The following PPM1A variants were observed in gnomAD, a reference collection of about 807,000 sequenced individuals.
PPM1A encodes protein phosphatase, Mg2+/Mn2+ dependent 1A.
A neutral mutation model predicts 35.0 loss-of-function variants in PPM1A; 7 were observed. The observed-to-expected ratio is 0.20, with a 90% CI of 0.11 to 0.38. The LOEUF is 0.38. Among genes scored for constraint, PPM1A ranks in the 10% least tolerant of loss-of-function variants. The pLI is 1.00. For synonymous variants in PPM1A, 153 were observed against 167.3 expected (o/e 0.91, Z 0.66); for missense variants, 239 against 467.8 (o/e 0.51, Z 4.51).
intron 3 of PPM1A, chr14:60,287,555 CTT>C: frequency 1.0e-6 from 1 of 985,200 alleles, no homozygotes; most frequent in Non-Finnish European, 1.2e-6. Context: ...ATGCCTTTTT[CTT>C]TTCTCTCTCT....
At chr14:60,269,093 C>T (rs1161464943) in intron 1 of PPM1A, among the ~76,000 whole-genome samples, 1 of 152,016 alleles carries the variant, frequency 6.6e-6, no homozygotes, top group Non-Finnish European at 1.5e-5. Context: ...AAATTTTGGA[C>T]CACATCTTTT....
chr14:60,269,849 G>T (rs750499028), intron 1 of PPM1A, among the ~76,000 whole-genome samples: 2 of 152,052 alleles, frequency 1.3e-5, no homozygotes, highest in Non-Finnish European at 2.9e-5. Context: ...GTGCCCAGCC[G>T]ATGGCATGTT....
At chr14:60,248,978 T>A (rs1180519523), upstream of PPM1A, among the ~76,000 whole-genome samples, 1 of 152,094 alleles carries the variant, frequency 6.6e-6, no homozygotes, top group Non-Finnish European at 1.5e-5. Context: ...CTCCAGGCCG[T>A]AAGGCAAAGG....
At chr14:60,261,363 A>C (rs983347472) in intron 1 of PPM1A, among the ~76,000 whole-genome samples, 1 of 152,194 alleles carries the variant, frequency 6.6e-6, no homozygotes, top group Non-Finnish European at 1.5e-5. Flanking sequence ...TATAAAACAT[A>C]GGTAAAATAT....
intron 1 of PPM1A, among the ~76,000 whole-genome samples, chr14:60,257,115 TAC>T (rs1195144163): frequency 2.0e-5 from 3 of 152,240 alleles, no homozygotes; most frequent in African/African-American, 4.8e-5. Context: ...CCACAAGCCA[TAC>T]ACACTTTTTT....
intron 1 of PPM1A, among the ~76,000 whole-genome samples, chr14:60,252,115 A>T (rs1371859389): frequency 6.6e-6 from 1 of 152,156 alleles, no homozygotes; most frequent in Non-Finnish European, 1.5e-5. Context: ...GTTTGTTCAG[A>T]TTACATCTAG....
At chr14:60,269,097 A>G (rs1459504135) in intron 1 of PPM1A, among the ~76,000 whole-genome samples, 1 of 152,128 alleles carries the variant, frequency 6.6e-6, no homozygotes, top group African/African-American at 2.4e-5. Context: ...TTTGGACCAC[A>G]TCTTTTACCA....
chr14:60,260,109 A>T (rs1016955951), intron 1 of PPM1A, among the ~76,000 whole-genome samples: 27 of 152,188 alleles, frequency 1.8e-4, no homozygotes, highest in African/African-American at 5.3e-4. Flanking sequence ...ATTATTTTTT[A>T]AAAATTTTGG....
chr14:60,281,154 C>T (rs950463110), intron 1 of PPM1A, among the ~76,000 whole-genome samples: 23 of 152,126 alleles, frequency 1.5e-4, no homozygotes, highest in African/African-American at 5.1e-4. Context: ...GTCATTATTA[C>T]GTTATCCTTT....
intron 1 of PPM1A, among the ~76,000 whole-genome samples, chr14:60,269,269 A>T (rs754767698): frequency 6.6e-6 from 1 of 152,080 alleles, no homozygotes; most frequent in Non-Finnish European, 1.5e-5. Flanking sequence ...CTTGGTTTTG[A>T]TTAGTCTCTT....
chr14:60,249,027 G>A (rs1359581238), upstream of PPM1A, among the ~76,000 whole-genome samples: 1 of 152,134 alleles, frequency 6.6e-6, no homozygotes, highest in Admixed American at 6.5e-5. This position sits in a 1 kb window ranked among gnomAD's most constrained non-coding sequence, Gnocchi z 4.5. Flanking sequence ...AGCTGGGTAA[G>A]GCAGTGACGT....
At chr14:60,248,250 C>T (rs7359079), upstream of PPM1A, among the ~76,000 whole-genome samples, 5 of 152,362 alleles carry the variant, frequency 3.3e-5, no homozygotes, top group African/African-American at 1.2e-4. Flanking sequence ...TTTAGCTCAT[C>T]TCTACCTCTT....
intron 3 of PPM1A, chr14:60,286,419 A>G (rs1887013134): frequency 3.0e-6 from 3 of 985,368 alleles, no homozygotes; most frequent in South Asian, 4.7e-5. Flanking sequence ...TTTATTGCAT[A>G]TATGCAGTAA....
rs1887795183 is a variant in PPM1A, at chr14:60,293,102, GT to G, written c.*622del. The G allele has an allele frequency of 6.6e-6, 1 of 151,986 alleles. No individual in the cohort carries two copies. The highest frequency in any genetic ancestry group is 2.1e-4 in the South Asian group (1 of 4,820). 9.4% of individuals were successfully genotyped at this position (151,986 alleles called of 1,614,324 possible). ...TAACTGTCTTTCAGGATGTTCCTTC[GT>G]TGTTTCCATGAGTATTGCAGGTAAT... is the stretch of plus-strand genomic sequence containing the variant. On this transcript the variant is annotated 3_prime_UTR_variant, in exon 6 of 6. Transcript: ENST00000395076. The surrounding 1 kb of genome is among the most constrained non-coding windows in gnomAD (Gnocchi z 4.0).
Position 60,292,478 on chromosome 14 carries a change from G to A in PPM1A, c.1145G>A (p.Trp382Ter). 6.2e-7 allele frequency: 1 copy of A among 1,600,160 alleles called. No individual in the cohort carries two copies. The highest frequency in any genetic ancestry group is 8.6e-7 in the Non-Finnish European group (1 of 1,168,706). The change falls in exon 6 of 6, where the codon TGG (tryptophan) becomes TAG (stop). Residue 382 changes from tryptophan (W) to a stop codon, truncating the protein, a stop_gained. Coordinates refer to ENST00000395076, the MANE Select transcript of PPM1A (RefSeq NM_021003.5). LOFTEE classifies it high-confidence loss of function. This position sits in a 1 kb window ranked among gnomAD's most constrained non-coding sequence, Gnocchi z 4.2. ...DTDSTSTDDM[W>*] The stretch of plus-strand genomic sequence containing the variant: ...GACTCTACATCAACAGATGATATGT[G>A]GTAAAACTGCTCATCTAGCCATGGA...
chr14:60,268,750 TAGG>T (rs1220970284), intron 1 of PPM1A, among the ~76,000 whole-genome samples: 2 of 151,864 alleles, frequency 1.3e-5, no homozygotes, highest in Admixed American at 6.6e-5. Flanking sequence ...CAGAATTTGA[TAGG>T]AGATTTTTCT....
intron 3 of PPM1A, chr14:60,286,099 G>T: frequency 1.0e-6 from 1 of 990,594 alleles, no homozygotes; most frequent in Non-Finnish European, 1.2e-6. Context: ...GATTGTGATG[G>T]TGATAATTTG....
chr14:60,268,265 C>T, intron 1 of PPM1A: 1 of 980,252 alleles, frequency 1.0e-6, no homozygotes, highest in African/African-American at 1.8e-5. Flanking sequence ...AGGGATAGTT[C>T]TTTAATAACT....
intron 1 of PPM1A, among the ~76,000 whole-genome samples, chr14:60,251,231 T>C (rs1882375343): frequency 6.6e-6 from 1 of 152,242 alleles, no homozygotes; most frequent in Admixed American, 6.5e-5. Flanking sequence ...CCTAAGACAT[T>C]TTAATTTGAT....
Sources: allele counts gnomAD v4.1 joint callset (sites outside exome capture counted in the v4.1 genomes callset), GRCh38; gene constraint gnomAD v4.1.1; non-coding constraint Gnocchi (gnomAD v3.1); transcripts MANE v1.5; gene names NCBI Gene and HGNC (gene_info 2026-07-23, HGNC 2026-07-21).